ATP11A: variants seen among roughly 807,000 people sequenced by gnomAD.
The protein encoded by ATP11A is phospholipid-transporting ATPase IH.
Under a neutral mutation model 154.4 loss-of-function variants are expected in ATP11A, and 81 were observed. The ratio of observed to expected loss-of-function variants is 0.52; its 90% confidence interval spans 0.44 to 0.63. The LOEUF (loss-of-function observed/expected upper bound fraction) is 0.63. ATP11A is among the 30% of genes least tolerant of loss of function. The pLI, the probability that ATP11A is intolerant of heterozygous loss-of-function variation, is 0.00. For synonymous variants in ATP11A, 623 were observed against 585.9 expected (o/e 1.06, Z -0.91); for missense variants, 1,316 against 1,474.3 (o/e 0.89, Z 1.76).
At chr13:112,799,523 G>A (rs995666370) in intron 2 of ATP11A, among the ~76,000 whole-genome samples, 1 of 152,160 alleles carries the variant, frequency 6.6e-6, no homozygotes, top group Non-Finnish European at 1.5e-5. Context: ...GCAGGGTGGG[G>A]AGGTCATGAG....
chr13:112,702,345 CAAAA>C (rs35687422), intron 1 of ATP11A, among the ~76,000 whole-genome samples: 5 of 121,762 alleles, frequency 4.1e-5, no homozygotes, highest in Admixed American at 8.2e-5. Context: ...GATTCTGTCT[CAAAA>C]AAAAAAAAAA....
chr13:112,846,527 G>A (rs1218230003), intron 17 of ATP11A, among the ~76,000 whole-genome samples: 1 of 152,198 alleles, frequency 6.6e-6, no homozygotes, highest in South Asian at 2.1e-4. Context: ...AACGATTGCG[G>A]TGACTGTTTA....
At chr13:112,737,777 G>A (rs1891141666) in intron 1 of ATP11A, among the ~76,000 whole-genome samples, 1 of 152,222 alleles carries the variant, frequency 6.6e-6, no homozygotes, top group Non-Finnish European at 1.5e-5. Flanking sequence ...GTGAGCTCAG[G>A]TGGAAGCAGC....
chr13:112,875,696 A>G lies in ATP11A; in HGVS notation c.3162-80A>G. ...TGACAAAAGTGTAAACTCCCTGAAC[A>G]GACGGCCTCTCCAGTGAGTAGAGAG... On this transcript the variant is annotated intron_variant, in intron 27 of 29. Coordinates refer to ENST00000375645, the MANE Select transcript of ATP11A (RefSeq NM_015205.3). The surrounding 1 kb of genome is among the most constrained non-coding windows in gnomAD (Gnocchi z 4.1). The G allele has an allele frequency of 6.8e-7, 1 of 1,479,474 alleles. No individual in the cohort carries two copies. Among genetic ancestry groups the G allele is most frequent in the Non-Finnish European group, 9.2e-7 (1 of 1,085,486 alleles). 91.6% of individuals were successfully genotyped at this position (1,479,474 alleles called of 1,614,324 possible).
At chr13:112,840,634 C>G (rs1487657825) in intron 16 of ATP11A, among the ~76,000 whole-genome samples, 1 of 151,846 alleles carries the variant, frequency 6.6e-6, no homozygotes, top group Non-Finnish European at 1.5e-5. Context: ...TTGGCAACAC[C>G]TGTGTCACCA....
At chr13:112,850,901 C>T in intron 17 of ATP11A, 136 bp from the exon 18 acceptor site, 1 of 733,886 alleles carries the variant, frequency 1.4e-6, no homozygotes, top group South Asian at 2.0e-5. Context: ...TTACTTAGTA[C>T]TGTAAGTTTT....
In ATP11A at chr13:112,848,538, T is replaced by G. The variant is rs895861693; in HGVS notation, c.1810-2499T>G. 3.3e-5 allele frequency among the ~76,000 whole-genome samples: 5 copies of G among 152,216 alleles called. No homozygotes were observed. In the East Asian group the frequency reaches 9.6e-4, roughly 29 times the overall value. ...GGCATCCTTTCTAATGTGGAAACTT[T>G]CTTTTTCTCTTTATAGCCTAATCCT... On this transcript the variant is annotated intron_variant, in intron 17 of 29. Coordinates refer to ENST00000375645, the MANE Select transcript of ATP11A (RefSeq NM_015205.3).
chr13:112,872,325 T>C (rs2080549364), intron 26 of ATP11A, among the ~76,000 whole-genome samples: 1 of 152,188 alleles, frequency 6.6e-6, no homozygotes, highest in South Asian at 2.1e-4. Context: ...TAAAGTAACT[T>C]TCTGGCCAGG....
intron 1 of ATP11A, among the ~76,000 whole-genome samples, chr13:112,704,124 G>A (rs1445807493): frequency 2.6e-5 from 4 of 152,242 alleles, no homozygotes; most frequent in Admixed American, 2.6e-4. Flanking sequence ...GAGGGCTCGA[G>A]TGCCACACCA....
chr13:112,705,711 A>G (rs577673199), intron 1 of ATP11A, among the ~76,000 whole-genome samples: 1 of 152,336 alleles, frequency 6.6e-6, no homozygotes, highest in South Asian at 2.1e-4. Flanking sequence ...CTTGCTCACA[A>G]TACAGAATGT....
intron 2 of ATP11A, among the ~76,000 whole-genome samples, chr13:112,800,868 C>A (rs1026189894): frequency 3.9e-5 from 6 of 152,132 alleles, no homozygotes; most frequent in African/African-American, 1.4e-4. Flanking sequence ...TAATATAACC[C>A]ATATTTACAG....
intron 1 of ATP11A, among the ~76,000 whole-genome samples, chr13:112,781,279 C>T (rs2077492213): frequency 6.6e-6 from 1 of 152,046 alleles, no homozygotes; most frequent in African/African-American, 2.4e-5. Context: ...GCCTCAAGCG[C>T]TCCGCCTGCC....
intron 28 of ATP11A, among the ~76,000 whole-genome samples, chr13:112,877,362 G>T (rs553042362): frequency 6.6e-6 from 1 of 152,252 alleles, no homozygotes; most frequent in Non-Finnish European, 1.5e-5. Context: ...CTCTAAGCAC[G>T]GTCCTTGGTT....
rs139776051 is a variant in ATP11A at position 112,847,316 on chromosome 13, G to A, written c.1810-3721G>A. ...CGCTGGCTGTGCTTGCTGTCATATC[G>A]AAGAAACTGCTATGAAATCCAAGAT... On this transcript the variant is annotated intron_variant, in intron 17 of 29. Transcript: ENST00000375645. Among the ~76,000 whole-genome samples, 65 of 152,318 alleles carry A rather than the reference G, an allele frequency of 4.3e-4. 1 individual carries two copies. The East Asian group carries it at 0.01, about 24-fold the overall frequency.
At chr13:112,824,249 C>T in intron 9 of ATP11A, 95 bp from the exon 10 acceptor site, 1 of 949,548 alleles carries the variant, frequency 1.1e-6, no homozygotes, top group Non-Finnish European at 1.7e-6. Context: ...ATTCGCTTTA[C>T]CCAAGAATTG....
rs1207587264 is a variant in ATP11A, at chr13:112,885,299, T to G, written c.*3433T>G. The G allele has an allele frequency of 1.3e-5, 2 of 152,188 alleles. No individual in the cohort carries two copies. Among genetic ancestry groups the G allele is most frequent in the Middle Eastern group, 3.4e-3 (1 of 294 alleles). The allele number at this position is 152,188 out of a possible 1,614,324, so 9.4% of individuals were successfully genotyped here. Reference sequence around the variant, plus strand: ...TCCTACAGGCTTGCTCTCACACACGTGTATGCACAGCAGAGAGACGTATGA... The same window carrying G: ...TCCTACAGGCTTGCTCTCACACACGGGTATGCACAGCAGAGAGACGTATGA... On this transcript the variant is annotated 3_prime_UTR_variant, in exon 30 of 30. Transcript: ENST00000375645.
chr13:112,750,085 G>A (rs12875104), intron 1 of ATP11A, among the ~76,000 whole-genome samples: 1,129 of 3,490 alleles, frequency 0.32, 55 homozygotes, highest in Non-Finnish European at 0.35. Context: ...GCGGGGTTGA[G>A]TCCCCTTCAG....
chr13:112,786,728 C>T (rs647059), intron 2 of ATP11A, among the ~76,000 whole-genome samples: 9 of 129,770 alleles, frequency 6.9e-5, no homozygotes, highest in East Asian at 4.4e-4. Context: ...GCTAAACCCA[C>T]GCACACGCGT....
At chr13:112,721,327 A>G (rs944315783) in intron 1 of ATP11A, among the ~76,000 whole-genome samples, 1 of 152,196 alleles carries the variant, frequency 6.6e-6, no homozygotes, top group Non-Finnish European at 1.5e-5. Context: ...TTAGATCACA[A>G]ATGTTACGGG....
Sources: gnomAD v4.1 joint callset for allele counts (sites outside exome capture counted in the v4.1 genomes callset) on GRCh38, gnomAD v4.1.1 for gene constraint, Gnocchi (gnomAD v3.1) non-coding constraint, MANE v1.5 for transcripts, NCBI Gene and HGNC (gene_info 2026-07-23, HGNC 2026-07-21) for gene names.